The following PCDHGA3 variants were observed in gnomAD, a reference collection of about 807,000 sequenced individuals.
PCDHGA3 encodes protocadherin gamma subfamily A, 3, also known as protocadherin gamma-A3.
In PCDHGA3, 40 loss-of-function variants were observed where a neutral mutation model predicts 58.5. The observed-to-expected ratio is 0.68, with a 90% CI of 0.53 to 0.89. The LOEUF (loss-of-function observed/expected upper bound fraction) is 0.89, where lower values mean the gene tolerates loss of function less well. Ranked by LOEUF, PCDHGA3 falls within the 40% of genes least tolerant of loss-of-function variation. The pLI is 0.00. For missense variants in PCDHGA3, 1,223 were observed against 1,195.9 expected (o/e 1.02, Z -0.33); for synonymous variants, 530 against 525.7 (o/e 1.01, Z -0.11).
intron 1 of PCDHGA3, chr5:141,478,198 A>G (rs1393603398): frequency 6.2e-7 from 1 of 1,613,864 alleles, no homozygotes; most frequent in East Asian, 2.2e-5. Flanking sequence ...CCTTTTATCT[A>G]CTTCTTTCTC....
chr5:141,365,137 A>G (rs896268643), intron 1 of PCDHGA3: 15 of 1,613,972 alleles, frequency 9.3e-6, no homozygotes, highest in Non-Finnish European at 1.3e-5. Flanking sequence ...CCACGGATCC[A>G]GATGAGGGAA....
chr5:141,418,351 G>A, intron 1 of PCDHGA3: 1 of 1,614,026 alleles, frequency 6.2e-7, no homozygotes, highest in Non-Finnish European at 8.5e-7. Flanking sequence ...ATATTAGTAT[G>A]AATTCGCTGA....
intron 1 of PCDHGA3, chr5:141,357,069 A>G (rs777295000): frequency 3.1e-6 from 5 of 1,613,964 alleles, no homozygotes; most frequent in Non-Finnish European, 4.2e-6. Context: ...GGCTGCACAC[A>G]GGCGAGGTGC....
intron 1 of PCDHGA3, chr5:141,390,018 C>A: frequency 2.5e-6 from 4 of 1,614,062 alleles, no homozygotes; most frequent in Non-Finnish European, 3.4e-6. Context: ...CATTGCCTTG[C>A]GCCTGCGACG....
Position 141,476,944 on chromosome 5 carries a change from C to T in PCDHGA3, c.2425-17863C>T, listed in dbSNP as rs1360022622. The T allele has an allele frequency of 3.3e-5, 53 of 1,614,072 alleles. No homozygotes were observed. The highest frequency in any genetic ancestry group is 4.1e-5 in the Non-Finnish European group (48 of 1,180,052). ...CAACGGATCTGGATGAAGGCCCCAACGGTGAAATTATTTACTCCTTCGGCA... is the reference window on the plus strand; with the variant it reads ...CAACGGATCTGGATGAAGGCCCCAATGGTGAAATTATTTACTCCTTCGGCA... On this transcript the variant is annotated intron_variant, in intron 1 of 3. Transcript: ENST00000253812. The surrounding 1 kb of genome is among the most constrained non-coding windows in gnomAD (Gnocchi z 7.6).
chr5:141,501,544 G>T (rs1297191346), intron 2 of PCDHGA3, among the ~76,000 whole-genome samples: 3 of 151,962 alleles, frequency 2.0e-5, no homozygotes, highest in African/African-American at 7.3e-5. Flanking sequence ...TTGTGCATAA[G>T]ATCATAGGCC....
chr5:141,448,464 T>C lies in PCDHGA3; in HGVS notation c.2425-46343T>C, dbSNP rs186054602. Among the ~76,000 whole-genome samples the C allele has an allele frequency of 2.6e-3, 402 of 152,296 alleles. 10 individuals are homozygous for C. The highest frequency in any genetic ancestry group is 0.023 in the Admixed American group (357 of 15,282). ...CTGACTTCCATCCCTATCCTACTCCTATTCCACCCTTGCTTCCTCCTGTCC... is the reference window on the plus strand; with the variant it reads ...CTGACTTCCATCCCTATCCTACTCCCATTCCACCCTTGCTTCCTCCTGTCC... On this transcript the variant is annotated intron_variant, in intron 1 of 3. Transcript: ENST00000253812.
intron 2 of PCDHGA3, among the ~76,000 whole-genome samples, chr5:141,501,015 C>T (rs950216755): frequency 6.6e-5 from 10 of 151,866 alleles, no homozygotes; most frequent in African/African-American, 2.4e-4. Context: ...ACTACAGGCA[C>T]GCGCCACCAC....
intron 1 of PCDHGA3, chr5:141,355,492 A>G: frequency 6.2e-7 from 1 of 1,614,090 alleles, no homozygotes; most frequent in Non-Finnish European, 8.5e-7. Context: ...GCTCTGCGAC[A>G]GATCTCCAAA....
Position 141,486,677 on chromosome 5 carries a change from G to A in PCDHGA3, c.2425-8130G>A, listed in dbSNP as rs755512470. ...ACTCCTGGAGCCCAGGAATCGAGATGTATCAGCTTCCTCTTTCATCTCTCT... is the reference window on the plus strand; with the variant it reads ...ACTCCTGGAGCCCAGGAATCGAGATATATCAGCTTCCTCTTTCATCTCTCT... On this transcript the variant is annotated intron_variant, in intron 1 of 3. Transcript: ENST00000253812. This position sits in a 1 kb window ranked among gnomAD's most constrained non-coding sequence, Gnocchi z 5.0. The A allele has an allele frequency of 3.7e-6, 6 of 1,614,060 alleles. No individual in the cohort carries two copies. Among genetic ancestry groups the A allele is most frequent in the Middle Eastern group, 1.6e-4 (1 of 6,062 alleles).
intron 1 of PCDHGA3, among the ~76,000 whole-genome samples, chr5:141,465,263 T>C (rs538393085): frequency 1.3e-5 from 2 of 152,326 alleles, no homozygotes; most frequent in African/African-American, 4.8e-5. Flanking sequence ...GCAATGATAC[T>C]AGCCATTTAG....
chr5:141,477,223 T>C lies in PCDHGA3; in HGVS notation c.2425-17584T>C. The C allele has an allele frequency of 6.2e-7, 1 of 1,614,198 alleles. No homozygotes were observed. On this transcript the variant is annotated intron_variant, in intron 1 of 3. Coordinates refer to ENST00000253812, the MANE Select transcript of PCDHGA3 (RefSeq NM_018916.4). This position sits in a 1 kb window ranked among gnomAD's most constrained non-coding sequence, Gnocchi z 4.9. ...TACCCGAGGATGCCCCTCTGGGGAC[T>C]GTCATCGCTTTGCTCAGTGTGACTG... is the stretch of plus-strand genomic sequence containing the variant.
In PCDHGA3 at chr5:141,486,836, G is replaced by C; in HGVS notation, c.2425-7971G>C. On this transcript the variant is annotated intron_variant, in intron 1 of 3. Coordinates refer to ENST00000253812, the MANE Select transcript of PCDHGA3 (RefSeq NM_018916.4). This position sits in a 1 kb window ranked among gnomAD's most constrained non-coding sequence, Gnocchi z 5.0. ...CAGCACTGTAACAGTTCGTCTATTT[G>C]TGCTGGACCTCAATGACAATGCTCC... 1 of 1,614,242 alleles carries C rather than the reference G, an allele frequency of 6.2e-7. No individual in the cohort carries two copies. The highest frequency in any genetic ancestry group is 8.5e-7 in the Non-Finnish European group (1 of 1,180,046).
intron 1 of PCDHGA3, chr5:141,415,740 G>GTTTTTTGTTT (rs2095911797): frequency 3.9e-6 from 2 of 515,998 alleles, no homozygotes; most frequent in African/African-American, 2.8e-5. Context: ...GTTTATTAAG[G>GTTTTTTGTTT]TTTTTTTTTT....
chr5:141,346,332 C>T lies in PCDHGA3; in HGVS notation c.2299C>T (p.His767Tyr), dbSNP rs956205597. Residue 767 changes from histidine to tyrosine, a missense_variant, in exon 1 of 4, where the codon CAC (histidine) becomes TAC (tyrosine). Physicochemically the swap from His to Tyr is moderately conservative, Grantham distance 83. Coordinates refer to ENST00000253812, the MANE Select transcript of PCDHGA3 (RefSeq NM_018916.4). ...VSLTADSRKS[H>Y]LIFPQPNYAD... is the part of the protein sequence containing the mutation. ...CCTCACTGCGGACTCGCGGAAGAGC[C>T]ACCTGATTTTCCCCCAGCCCAACTA... 1 of 1,614,212 alleles carries T rather than the reference C, an allele frequency of 6.2e-7. No individual in the cohort carries two copies. Among genetic ancestry groups the T allele is most frequent in the Non-Finnish European group, 8.5e-7 (1 of 1,180,040 alleles).
chr5:141,352,972 G>A (rs74528428), intron 1 of PCDHGA3, among the ~76,000 whole-genome samples: 3,310 of 152,246 alleles, frequency 0.022, 54 homozygotes, highest in Non-Finnish European at 0.034. Flanking sequence ...TGGGTGATGG[G>A]AGGGAAACTG....
intron 1 of PCDHGA3, chr5:141,393,518 A>C: frequency 6.2e-7 from 1 of 1,614,030 alleles, no homozygotes; most frequent in Non-Finnish European, 8.5e-7. Context: ...TGTTGGATAC[A>C]AATGACAATG....
At chr5:141,398,963 ATTCCT>A in intron 1 of PCDHGA3, 1 of 1,613,976 alleles carries the variant, frequency 6.2e-7, no homozygotes, top group Non-Finnish European at 8.5e-7. Flanking sequence ...GAAATTACTT[ATTCCT>A]TCTACAGAAC....
intron 1 of PCDHGA3, chr5:141,376,399 G>C (rs764497807): frequency 6.2e-7 from 1 of 1,614,182 alleles, no homozygotes; most frequent in South Asian, 1.1e-5. Flanking sequence ...TTTTCCCCCA[G>C]CCCAACTATG....
Sources: gnomAD v4.1 joint callset for allele counts (sites outside exome capture counted in the v4.1 genomes callset) on GRCh38, gnomAD v4.1.1 for gene constraint, Gnocchi (gnomAD v3.1) non-coding constraint, MANE v1.5 for transcripts, NCBI Gene and HGNC (gene_info 2026-07-23, HGNC 2026-07-21) for gene names.